CFAP91: variants seen among roughly 807,000 people sequenced by gnomAD.
The protein encoded by CFAP91 is cilia and flagella associated protein 91.
CFAP91 carries 85 observed loss-of-function variants against 95.9 expected under a neutral mutation model. The observed-to-expected ratio is 0.89, with a 90% CI of 0.74 to 1.06. The LOEUF is 1.06. CFAP91 is among the 50% of genes least tolerant of loss of function. The probability of loss-of-function intolerance (pLI) is 0.00; values close to 1 mark genes in which losing one functional copy is unlikely to be tolerated. For missense variants in CFAP91, 962 were observed against 943.4 expected, an observed-to-expected ratio of 1.02 and a Z score of -0.26; for synonymous variants, 335 against 327.5, an observed-to-expected ratio of 1.02 and a Z score of -0.25.
At chr3:119,754,028 A>G (rs1255866746) in intron 17 of CFAP91, among the ~76,000 whole-genome samples, 2 of 152,240 alleles carry the variant, frequency 1.3e-5, no homozygotes, top group Admixed American at 1.3e-4. Flanking sequence ...GGAGTTGGGT[A>G]CTACTGTAAC....
rs758476552 is a variant in CFAP91, at chr3:119,707,496, A to G, written c.294A>G (p.Pro98=). ...GGAGCAAGTCAGATCCTGTCCCACC[A>G]TTTATCAGTCGGGAATGGAAGGGAC... is the stretch of plus-strand genomic sequence containing the variant. ...LYWSKSDPVP[P]FISREWKGHK... is the part of the protein sequence containing the mutation. Residue 98 remains proline (P), a synonymous_variant, in exon 3 of 18, where the codon CCA becomes CCG. Coordinates refer to ENST00000273390, the MANE Select transcript of CFAP91 (RefSeq NM_033364.4). 6.3e-7 allele frequency: 1 copy of G among 1,599,284 alleles called. No individual in the cohort carries two copies.
intron 7 of CFAP91, 79 bp from the exon 8 acceptor site, chr3:119,730,141 A>T: frequency 7.2e-7 from 1 of 1,386,800 alleles, no homozygotes; most frequent in Non-Finnish European, 1.0e-6. Context: ...CACAGAGAAG[A>T]GCCTGTCTGT....
chr3:119,728,469 A>G (rs919688641), intron 7 of CFAP91, among the ~76,000 whole-genome samples: 1 of 152,312 alleles, frequency 6.6e-6, no homozygotes, highest in African/African-American at 2.4e-5. Context: ...GCTCACAGCA[A>G]CTTCATGAAG....
At chr3:119,726,651 C>T (rs1039636070) in intron 7 of CFAP91, among the ~76,000 whole-genome samples, 5 of 152,120 alleles carry the variant, frequency 3.3e-5, no homozygotes, top group African/African-American at 1.2e-4. Flanking sequence ...TCTTCTTTTC[C>T]CTTTTCTCTT....
intron 17 of CFAP91, among the ~76,000 whole-genome samples, chr3:119,755,173 C>G (rs971683464): frequency 6.6e-6 from 1 of 152,096 alleles, no homozygotes; most frequent in African/African-American, 2.4e-5. Flanking sequence ...ATTTATGAGA[C>G]TTTGAACTTT....
Position 119,703,215 on chromosome 3 carries a change from T to G in CFAP91, c.117T>G (p.Phe39Leu). The G allele has an allele frequency of 6.2e-7, 1 of 1,612,234 alleles. No homozygotes were observed. Among genetic ancestry groups the G allele is most frequent in the Non-Finnish European group, 8.5e-7 (1 of 1,179,248 alleles). ...SHISSNRAYD[F>L]LYDPLFIVSS... ...TCTCCTCCAATCGAGCGTATGATTT[T>G]CTGTACGGTAAGGACCGCCGCAGAC... The change falls in exon 1 of 18, where the codon TTT becomes TTG. Residue 39 changes from phenylalanine (F) to leucine (L), a missense_variant. By Grantham distance (22) the Phe-to-Leu change is conservative (BLOSUM62 0). Transcript: ENST00000273390.
chr3:119,719,442 C>T (rs960644706), intron 6 of CFAP91, among the ~76,000 whole-genome samples: 5 of 152,080 alleles, frequency 3.3e-5, no homozygotes, highest in African/African-American at 9.7e-5. Context: ...GGAAAAATAA[C>T]GACAGTGAAA....
intron 6 of CFAP91, among the ~76,000 whole-genome samples, chr3:119,720,324 G>A (rs183201053): frequency 2.2e-3 from 324 of 150,684 alleles, no homozygotes; most frequent in African/African-American, 7.5e-3. Flanking sequence ...GTGAACCCGG[G>A]AGGCTCTGCT....
At chr3:119,708,526 T>C in intron 3 of CFAP91, 65 bp from the exon 4 acceptor site, 1 of 1,119,088 alleles carries the variant, frequency 8.9e-7, no homozygotes, top group South Asian at 1.3e-5. Flanking sequence ...CACATAGAAA[T>C]ATTAAATAGA....
intron 6 of CFAP91, among the ~76,000 whole-genome samples, chr3:119,720,172 A>T (rs866655391): frequency 6.6e-6 from 1 of 151,386 alleles, no homozygotes; most frequent in African/African-American, 2.4e-5. Flanking sequence ...GTGGATCACG[A>T]GGTCAAGAGA....
At chr3:119,756,745 T>C (rs1377122050) in intron 17 of CFAP91, among the ~76,000 whole-genome samples, 2 of 152,090 alleles carry the variant, frequency 1.3e-5, no homozygotes, top group African/African-American at 4.8e-5. Flanking sequence ...AGGGTAACTC[T>C]GAAAGGATAA....
chr3:119,756,171 A>G (rs2107919629), intron 17 of CFAP91, among the ~76,000 whole-genome samples: 1 of 152,278 alleles, frequency 6.6e-6, no homozygotes, highest in South Asian at 2.1e-4. Context: ...GCCAAAAAGA[A>G]AAAGAAAAAC....
chr3:119,743,830 A>G (rs1020951777), intron 13 of CFAP91, 145 bp from the exon 14 acceptor site: 6 of 715,050 alleles, frequency 8.4e-6, no homozygotes, highest in Middle Eastern at 3.7e-4. Context: ...GTTGGAGCCA[A>G]TTGAGAGGTA....
intron 16 of CFAP91, 174 bp from the exon 17 acceptor site, chr3:119,750,763 A>T (rs959061622): frequency 1.5e-6 from 1 of 654,138 alleles, no homozygotes; most frequent in Non-Finnish European, 2.7e-6. Context: ...GGTGGAAAGG[A>T]GTATGACTGG....
At chr3:119,721,654 A>G (rs895155416) in intron 6 of CFAP91, among the ~76,000 whole-genome samples, 1 of 152,196 alleles carries the variant, frequency 6.6e-6, no homozygotes, top group African/African-American at 2.4e-5. Context: ...GTTTCATACA[A>G]ATAATTATCT....
chr3:119,729,287 T>G (rs1255249380), intron 7 of CFAP91, among the ~76,000 whole-genome samples: 1 of 152,108 alleles, frequency 6.6e-6, no homozygotes, highest in Non-Finnish European at 1.5e-5. Flanking sequence ...AGTAGGGTTT[T>G]GTTTTGTTTT....
At chr3:119,704,920 G>T (rs1369017047) in intron 1 of CFAP91, among the ~76,000 whole-genome samples, 1 of 152,318 alleles carries the variant, frequency 6.6e-6, no homozygotes, top group South Asian at 2.1e-4. Flanking sequence ...TGCTGTATGG[G>T]TTTGTAGCCT....
At chr3:119,744,268 A>G in intron 14 of CFAP91, 72 bp downstream of exon 14, 2 of 1,227,850 alleles carry the variant, frequency 1.6e-6, no homozygotes, top group South Asian at 1.5e-5. Flanking sequence ...AGCTCATGAC[A>G]TAAAATGGCA....
chr3:119,733,340 A>C (rs757890910), intron 9 of CFAP91, 24 bp from the exon 10 acceptor site: 1 of 1,611,876 alleles, frequency 6.2e-7, no homozygotes, highest in South Asian at 1.1e-5. Context: ...CTGGATACTA[A>C]AAACATGTGC....
Sources: gnomAD v4.1 joint callset for allele counts (sites outside exome capture counted in the v4.1 genomes callset) on GRCh38, gnomAD v4.1.1 for gene constraint, MANE v1.5 for transcripts, NCBI Gene and HGNC (gene_info 2026-07-23, HGNC 2026-07-21) for gene names.